The following RBFOX1 variants were observed in gnomAD, a reference collection of about 807,000 sequenced individuals.
RBFOX1 encodes RNA binding fox-1 homolog 1.
Under a neutral mutation model 57.7 loss-of-function variants are expected in RBFOX1, and 8 were observed. That is an observed-to-expected ratio of 0.14 (90% confidence interval 0.08 to 0.25). The LOEUF (loss-of-function observed/expected upper bound fraction) is 0.25, where lower values mean the gene tolerates loss of function less well. Ranked by LOEUF, RBFOX1 falls within the 10% of genes least tolerant of loss-of-function variation. The pLI is 1.00. For synonymous variants in RBFOX1, 326 were observed against 222.4 expected, an observed-to-expected ratio of 1.47 and a Z score of -4.15; for missense variants, 611 against 548.5, an observed-to-expected ratio of 1.11 and a Z score of -1.14.
At chr16:5,437,202 G>A (rs8054112) in intron 1 of RBFOX1, among the ~76,000 whole-genome samples, 69,107 of 152,084 alleles carry the variant, frequency 0.45, 16,665 homozygotes, top group East Asian at 0.63. Flanking sequence ...TAGGAAAGAA[G>A]TGAAAGGTGA....
chr16:6,961,424 A>G (rs1034102939), intron 3 of RBFOX1, among the ~76,000 whole-genome samples: 1 of 152,220 alleles, frequency 6.6e-6, no homozygotes, highest in Non-Finnish European at 1.5e-5. Flanking sequence ...ACTTAAAACA[A>G]CAAAGATTGT....
chr16:6,550,349 A>G (rs141509485), intron 2 of RBFOX1, among the ~76,000 whole-genome samples: 127 of 152,194 alleles, frequency 8.3e-4, no homozygotes, highest in African/African-American at 2.9e-3. Flanking sequence ...GCTAATTTTT[A>G]TATTTTCATT....
At chr16:5,266,757 C>G (rs1471778726) in intron 1 of RBFOX1, among the ~76,000 whole-genome samples, 1 of 151,834 alleles carries the variant, frequency 6.6e-6, no homozygotes, top group Non-Finnish European at 1.5e-5. Flanking sequence ...GGGGGTCTCA[C>G]TATATTGCCC....
At chr16:6,297,623 T>C (rs1011894771) in intron 1 of RBFOX1, among the ~76,000 whole-genome samples, 41 of 152,186 alleles carry the variant, frequency 2.7e-4, no homozygotes, top group African/African-American at 9.9e-4. Flanking sequence ...TGGATACTTG[T>C]GGCCTTAAAT....
intron 4 of RBFOX1, among the ~76,000 whole-genome samples, chr16:7,106,847 A>C (rs927100551): frequency 6.6e-6 from 1 of 152,126 alleles, no homozygotes; most frequent in African/African-American, 2.4e-5. Flanking sequence ...CAAACAAAAT[A>C]GTATATTAAT....
chr16:5,552,831 C>A (rs1349438248), intron 2 of RBFOX1, among the ~76,000 whole-genome samples: 3 of 74,586 alleles, frequency 4.0e-5, no homozygotes, highest in Admixed American at 1.5e-4. Flanking sequence ...GCAGATACAG[C>A]CCTTGGGAAA....
intron 3 of RBFOX1, among the ~76,000 whole-genome samples, chr16:5,831,526 C>G (rs775767297): frequency 2.9e-4 from 41 of 140,792 alleles, no homozygotes; most frequent in Non-Finnish European, 3.9e-4. Flanking sequence ...GAGTTTCGCT[C>G]TTGTCCAGGC....
chr16:7,655,868 C>T (rs183625425), intron 12 of RBFOX1, among the ~76,000 whole-genome samples: 12 of 152,294 alleles, frequency 7.9e-5, no homozygotes, highest in Admixed American at 7.8e-4. Context: ...CAGAATGACA[C>T]ACCTGCTGTA....
At chr16:6,447,552 G>C (rs1004670714) in intron 2 of RBFOX1, among the ~76,000 whole-genome samples, 3 of 152,198 alleles carry the variant, frequency 2.0e-5, no homozygotes, top group African/African-American at 4.8e-5. Context: ...TCATATCAGA[G>C]TGCCTGTTTT....
intron 4 of RBFOX1, among the ~76,000 whole-genome samples, chr16:7,293,726 C>T (rs78209525): frequency 1.5e-3 from 222 of 152,238 alleles, no homozygotes; most frequent in African/African-American, 5.1e-3. Context: ...TACCCAATAC[C>T]CGATACATCC....
At chr16:7,378,720 C>T (rs1356523011) in intron 4 of RBFOX1, among the ~76,000 whole-genome samples, 1 of 152,148 alleles carries the variant, frequency 6.6e-6, no homozygotes. Flanking sequence ...CCGCCAAACC[C>T]TGGTGAGCTT....
At position 6,618,270 on chromosome 16, in the gene RBFOX1, A is replaced by T. The variant is rs73540170; in HGVS notation, c.-63-36333A>T. 4.1e-3 allele frequency among the ~76,000 whole-genome samples: 617 copies of T among 152,312 alleles called. 4 individuals carry two copies. The highest frequency in any genetic ancestry group is 0.014 in the African/African-American group (589 of 41,568). On this transcript the variant is annotated intron_variant, in intron 2 of 15. Transcript: ENST00000550418. ...ATGATTATGTGTATACCCTAGAAAAATAAGCAACAAAACCGTTCATTGTAA... is the reference window on the plus strand; with the variant it reads ...ATGATTATGTGTATACCCTAGAAAATTAAGCAACAAAACCGTTCATTGTAA...
chr16:7,599,817 TG>T (rs2094917555), intron 9 of RBFOX1, among the ~76,000 whole-genome samples: 1 of 151,648 alleles, frequency 6.6e-6, no homozygotes, highest in South Asian at 2.1e-4. Flanking sequence ...TTTTATTTTT[TG>T]TAGAGACGGA....
rs78603715 is a variant in RBFOX1 at position 5,346,565 on chromosome 16, C to T, written c.219+106460C>T. 6.0e-4 allele frequency among the ~76,000 whole-genome samples: 91 copies of T among 152,254 alleles called. No homozygotes were observed. In the East Asian group the frequency reaches 0.015, roughly 26 times the overall value. On this transcript the variant is annotated intron_variant, in intron 1 of 2. Transcript: ENST00000585867. Reference sequence around the variant, plus strand: ...TTATATCACCCTACATCTGGGGCTCCCAGTTGGCTCTTGGATTTGTCATTT... The same window carrying T: ...TTATATCACCCTACATCTGGGGCTCTCAGTTGGCTCTTGGATTTGTCATTT...
At chr16:6,943,903 G>A (rs770179406) in intron 3 of RBFOX1, among the ~76,000 whole-genome samples, 7 of 151,602 alleles carry the variant, frequency 4.6e-5, no homozygotes, top group Admixed American at 1.3e-4. Context: ...CCCTTTTTTC[G>A]TCTATAAATT....
chr16:6,782,999 CTT>C (rs1215650860), intron 3 of RBFOX1, among the ~76,000 whole-genome samples: 3 of 152,092 alleles, frequency 2.0e-5, no homozygotes, highest in Non-Finnish European at 4.4e-5. Flanking sequence ...TTCTTTGTCT[CTT>C]TTTACAGATT....
At chr16:6,870,641 C>G (rs184339607) in intron 3 of RBFOX1, among the ~76,000 whole-genome samples, 4 of 151,960 alleles carry the variant, frequency 2.6e-5, no homozygotes, top group African/African-American at 4.8e-5. Flanking sequence ...TGAGCAGAAA[C>G]AAAACAAACG....
rs959126630 is a variant in RBFOX1, at chr16:7,360,473, C to G, written c.28-157674C>G. On this transcript the variant is annotated intron_variant, in intron 4 of 15. Coordinates refer to ENST00000550418, the MANE Select transcript of RBFOX1 (RefSeq NM_018723.4). ...AGAATGGGAGAAGCCTTTACTAATT[C>G]TTGAAAAACTCACATAACCCATCCT... Among the ~76,000 whole-genome samples, 3 of 152,118 alleles carry G rather than the reference C, an allele frequency of 2.0e-5. No homozygotes were observed. The East Asian group carries it at 5.8e-4, about 29-fold the overall frequency.
chr16:6,738,598 G>A (rs1156282391), intron 3 of RBFOX1, among the ~76,000 whole-genome samples: 2 of 152,124 alleles, frequency 1.3e-5, no homozygotes, highest in East Asian at 3.9e-4. Flanking sequence ...AGGACATAAG[G>A]AAGGATAGAG....
Sources: allele counts gnomAD v4.1 joint callset (sites outside exome capture counted in the v4.1 genomes callset), GRCh38; gene constraint gnomAD v4.1.1; transcripts MANE v1.5; gene names NCBI Gene and HGNC (gene_info 2026-07-23, HGNC 2026-07-21).